SAMD12: variants seen among roughly 807,000 people sequenced by gnomAD.
The protein encoded by SAMD12 is sterile alpha motif domain containing 12, also known as sterile alpha motif domain-containing protein 12.
A neutral mutation model predicts 15.0 loss-of-function variants in SAMD12; 9 were observed. The ratio of observed to expected loss-of-function variants is 0.60; its 90% CI spans 0.36 to 1.05. The LOEUF (loss-of-function observed/expected upper bound fraction) is 1.05. Ranked by LOEUF, SAMD12 falls within the 50% of genes least tolerant of loss-of-function variation. The pLI, the probability that SAMD12 is intolerant of heterozygous loss-of-function variation, is 0.01. For synonymous variants in SAMD12, 86 were observed against 90.1 expected (o/e 0.96, Z 0.25); for missense variants, 230 against 234.2 (o/e 0.98, Z 0.12).
chr8:118,484,567 A>T (rs189868664), intron 2 of SAMD12, among the ~76,000 whole-genome samples: 4 of 152,214 alleles, frequency 2.6e-5, no homozygotes, highest in Non-Finnish European at 4.4e-5. Flanking sequence ...CAAGTTGTAC[A>T]CATTAAACAT....
chr8:118,472,120 C>T (rs887889217), intron 2 of SAMD12, among the ~76,000 whole-genome samples: 1 of 151,602 alleles, frequency 6.6e-6, no homozygotes, highest in African/African-American at 2.4e-5. Flanking sequence ...ACCCTGTCTC[C>T]ACTAAAAATA....
At chr8:118,346,965 G>T (rs562610722) in intron 4 of SAMD12, among the ~76,000 whole-genome samples, 2 of 152,314 alleles carry the variant, frequency 1.3e-5, no homozygotes, top group East Asian at 3.9e-4. Flanking sequence ...GTACAGTGGT[G>T]CAGTTACAGC....
At chr8:118,359,859 G>A (rs1818403712) in intron 4 of SAMD12, among the ~76,000 whole-genome samples, 2 of 152,202 alleles carry the variant, frequency 1.3e-5, no homozygotes. Context: ...GTGTGGCTAA[G>A]TATCCTGGGG....
intron 2 of SAMD12, among the ~76,000 whole-genome samples, chr8:118,564,619 G>T (rs1055230439): frequency 1.3e-5 from 2 of 152,164 alleles, no homozygotes; most frequent in Admixed American, 6.5e-5. Flanking sequence ...CTTTGTTGGG[G>T]TTTGCACTTG....
intron 4 of SAMD12, among the ~76,000 whole-genome samples, chr8:118,341,277 A>C (rs916495776): frequency 6.6e-6 from 1 of 152,194 alleles, no homozygotes; most frequent in Non-Finnish European, 1.5e-5. Flanking sequence ...AAAATGAGCC[A>C]GTGTATGCCT....
At chr8:118,616,764 A>G (rs1172692012) in intron 1 of SAMD12, among the ~76,000 whole-genome samples, 1 of 152,182 alleles carries the variant, frequency 6.6e-6, no homozygotes, top group Non-Finnish European at 1.5e-5. Context: ...TCCGTGGCCT[A>G]TTAGGAACCA....
At chr8:118,400,343 C>G (rs77008893) in intron 3 of SAMD12, 2 of 152,128 alleles carry the variant, frequency 1.3e-5, no homozygotes, top group Non-Finnish European at 2.9e-5. Flanking sequence ...GAGGCGATGC[C>G]GTGGGTCAAA....
intron 4 of SAMD12, among the ~76,000 whole-genome samples, chr8:118,269,703 T>C (rs942538396): frequency 3.9e-5 from 6 of 152,230 alleles, no homozygotes; most frequent in African/African-American, 1.4e-4. Context: ...ATCAGGTTTT[T>C]GGTCTCTTTT....
chr8:118,433,012 C>T (rs1586712516), intron 3 of SAMD12, among the ~76,000 whole-genome samples: 1 of 152,332 alleles, frequency 6.6e-6, no homozygotes, highest in Non-Finnish European at 1.5e-5. Flanking sequence ...TCCAACTACA[C>T]AGTAGGGATG....
At chr8:118,332,427 G>A (rs1816847722) in intron 4 of SAMD12, among the ~76,000 whole-genome samples, 1 of 152,228 alleles carries the variant, frequency 6.6e-6, no homozygotes, top group African/African-American at 2.4e-5. Context: ...ATTGGCATTG[G>A]CAGTGATTAT....
chr8:118,532,171 C>T (rs144861603), intron 2 of SAMD12, among the ~76,000 whole-genome samples: 273 of 152,124 alleles, frequency 1.8e-3, no homozygotes, highest in African/African-American at 6.2e-3. Context: ...TGTCAAAGGC[C>T]TTTTCTGCAT....
intron 4 of SAMD12, among the ~76,000 whole-genome samples, chr8:118,306,233 T>G (rs1339185883): frequency 6.6e-6 from 1 of 152,184 alleles, no homozygotes; most frequent in Non-Finnish European, 1.5e-5. Flanking sequence ...TGATGAATCT[T>G]CTACTGGAGA....
chr8:118,440,963 G>A (rs893356495), intron 2 of SAMD12, among the ~76,000 whole-genome samples: 8 of 152,090 alleles, frequency 5.3e-5, no homozygotes, highest in African/African-American at 1.9e-4. Flanking sequence ...GAAGGCTCCT[G>A]GGTGGTACAA....
chr8:118,348,588 G>A (rs1353955557), intron 4 of SAMD12, among the ~76,000 whole-genome samples: 3 of 151,918 alleles, frequency 2.0e-5, no homozygotes, highest in Non-Finnish European at 4.4e-5. Flanking sequence ...TCGCTAGGAT[G>A]GTCTTGATCT....
intron 2 of SAMD12, among the ~76,000 whole-genome samples, chr8:118,471,006 G>A (rs1430726128): frequency 1.3e-5 from 2 of 152,188 alleles, no homozygotes; most frequent in Non-Finnish European, 1.5e-5. Context: ...GAAAGAATAT[G>A]TGCATTTAAA....
chr8:118,305,974 C>G (rs1815329660), intron 4 of SAMD12, among the ~76,000 whole-genome samples: 1 of 152,138 alleles, frequency 6.6e-6, no homozygotes, highest in Non-Finnish European at 1.5e-5. Flanking sequence ...GGTTCCAGCT[C>G]CTACTACAAC....
the SAMD12 span, among the ~76,000 whole-genome samples, chr8:118,183,643 G>A: frequency 6.6e-6 from 1 of 152,124 alleles, no homozygotes; most frequent in African/African-American, 2.4e-5. Flanking sequence ...TTCTTTATGT[G>A]TGAAATGGGA....
intron 1 of SAMD12, among the ~76,000 whole-genome samples, chr8:118,602,724 T>C (rs1159917301): frequency 6.6e-6 from 1 of 152,174 alleles, no homozygotes; most frequent in Non-Finnish European, 1.5e-5. Flanking sequence ...CAACTCATCT[T>C]ACAATGAAGA....
intron 4 of SAMD12, among the ~76,000 whole-genome samples, chr8:118,321,397 T>C (rs772873268): frequency 2.7e-5 from 4 of 150,726 alleles, no homozygotes; most frequent in Non-Finnish European, 4.4e-5. Context: ...GCAGATCACT[T>C]GAGGTCAGGA....
Sources: gnomAD v4.1 joint callset for allele counts (sites outside exome capture counted in the v4.1 genomes callset) on GRCh38, gnomAD v4.1.1 for gene constraint, MANE v1.5 for transcripts, NCBI Gene and HGNC (gene_info 2026-07-23, HGNC 2026-07-21) for gene names.